Variants in CCSER1 observed in about 807,000 individuals in gnomAD.
CCSER1 encodes the protein coiled-coil serine rich protein 1.
A neutral mutation model predicts 82.0 loss-of-function variants in CCSER1; 41 were observed. That is an observed-to-expected ratio of 0.50 (90% CI 0.39 to 0.65). The LOEUF is 0.65. CCSER1 is among the 30% of genes least tolerant of loss of function. The pLI is 0.00. For synonymous variants in CCSER1, 414 were observed against 383.9 expected (o/e 1.08, Z -0.92); for missense variants, 1,119 against 1,064.2 (o/e 1.05, Z -0.72).
intron 1 of CCSER1, among the ~76,000 whole-genome samples, chr4:90,214,217 A>G (rs72876170): frequency 0.047 from 7,170 of 152,184 alleles, 413 homozygotes; most frequent in East Asian, 0.25. Context: ...GTGGTAAGAA[A>G]GGGAGATTAC....
chr4:90,156,840 G>C (rs537087836), intron 1 of CCSER1, among the ~76,000 whole-genome samples: 1 of 152,298 alleles, frequency 6.6e-6, no homozygotes, highest in South Asian at 2.1e-4. Flanking sequence ...TTGCCAGTCT[G>C]TGTCTTTTAA....
At chr4:90,691,518 T>G (rs557326581) in intron 6 of CCSER1, among the ~76,000 whole-genome samples, 2 of 151,344 alleles carry the variant, frequency 1.3e-5, no homozygotes, top group South Asian at 4.2e-4. Flanking sequence ...ATATTACATG[T>G]GTACATATCA....
chr4:90,490,715 G>A (rs963354968), intron 5 of CCSER1, among the ~76,000 whole-genome samples: 1 of 152,076 alleles, frequency 6.6e-6, no homozygotes, highest in Admixed American at 6.6e-5. Flanking sequence ...TTAAGGAAGG[G>A]ATCCAGTTTC....
intron 8 of CCSER1, among the ~76,000 whole-genome samples, chr4:90,909,363 A>G (rs7683069): frequency 0.47 from 70,913 of 151,984 alleles, 18,205 homozygotes; most frequent in African/African-American, 0.7. Context: ...CAGACAGTGC[A>G]GAGGCCATTG....
chr4:90,206,575 C>G (rs1738875807), intron 1 of CCSER1, among the ~76,000 whole-genome samples: 1 of 151,822 alleles, frequency 6.6e-6, no homozygotes, highest in Admixed American at 6.6e-5. Context: ...GTTATGATTT[C>G]CATTCTTTTG....
chr4:91,149,101 G>C (rs1166590615), intron 10 of CCSER1, among the ~76,000 whole-genome samples: 3 of 152,290 alleles, frequency 2.0e-5, no homozygotes, highest in African/African-American at 7.2e-5. Context: ...CCCACCAACA[G>C]TGCAAAAGTG....
chr4:91,186,910 A>C (rs530642082), intron 10 of CCSER1, among the ~76,000 whole-genome samples: 30 of 152,344 alleles, frequency 2.0e-4, no homozygotes, highest in Non-Finnish European at 3.8e-4. Context: ...TAAACCCACA[A>C]TCTTCCAGCA....
chr4:90,258,283 G>A lies in CCSER1; in HGVS notation c.-41-49961G>A, dbSNP rs1010304910. On this transcript the variant is annotated intron_variant, in intron 1 of 10. Transcript: ENST00000509176. ...TAATCCCAGCACTTTGGGAGGCCGCGGCAGGTGGATCATGAGGTCAAGAGA... is the reference window on the plus strand; with the variant it reads ...TAATCCCAGCACTTTGGGAGGCCGCAGCAGGTGGATCATGAGGTCAAGAGA... Among the ~76,000 whole-genome samples the A allele has an allele frequency of 3.3e-5, 5 of 152,122 alleles. 1 individual carries two copies. The highest frequency in any genetic ancestry group is 4.1e-4 in the South Asian group (2 of 4,828).
intron 10 of CCSER1, among the ~76,000 whole-genome samples, chr4:91,278,867 A>C (rs1742683626): frequency 6.6e-6 from 1 of 151,380 alleles, no homozygotes; most frequent in Non-Finnish European, 1.5e-5. Flanking sequence ...TGAGTTTCAT[A>C]TTTTTGTGTG....
chr4:91,438,495 T>C (rs1254508359), intron 10 of CCSER1, among the ~76,000 whole-genome samples: 1 of 151,772 alleles, frequency 6.6e-6, no homozygotes, highest in East Asian at 1.9e-4. Context: ...ATCACCATCA[T>C]CAAAGACCAA....
chr4:91,506,264 A>AGAT (rs1759478396), intron 10 of CCSER1, among the ~76,000 whole-genome samples: 1 of 152,046 alleles, frequency 6.6e-6, no homozygotes, highest in South Asian at 2.1e-4. Context: ...CTTATTCCTG[A>AGAT]GATCTCTGTT....
chr4:90,923,269 A>C (rs538194934), intron 8 of CCSER1, 101 bp from the exon 9 acceptor site: 9 of 816,712 alleles, frequency 1.1e-5, no homozygotes, highest in Non-Finnish European at 1.9e-5. Context: ...ACAGAGAAGA[A>C]CATGAATTAT....
chr4:90,809,744 T>C (rs1758004256), intron 7 of CCSER1, among the ~76,000 whole-genome samples: 1 of 151,800 alleles, frequency 6.6e-6, no homozygotes, highest in South Asian at 2.1e-4. Flanking sequence ...AAAAAAAAGT[T>C]AGTTGGATGT....
At chr4:90,628,348 G>A in intron 6 of CCSER1, 116 bp downstream of exon 6, 1 of 736,466 alleles carries the variant, frequency 1.4e-6, no homozygotes, top group Non-Finnish European at 2.3e-6. Context: ...CAGGGGTCAG[G>A]TTTCCTCTTG....
intron 9 of CCSER1, among the ~76,000 whole-genome samples, chr4:91,029,879 A>G (rs758353750): frequency 2.0e-5 from 3 of 152,156 alleles, no homozygotes; most frequent in Admixed American, 6.6e-5. Flanking sequence ...CTGCAAAAGC[A>G]TGGGCATTAA....
At chr4:90,914,899 A>C (rs1727067443) in intron 8 of CCSER1, among the ~76,000 whole-genome samples, 1 of 152,204 alleles carries the variant, frequency 6.6e-6, no homozygotes. Flanking sequence ...CTTCACAGAT[A>C]AACTAGAAAA....
intron 1 of CCSER1, among the ~76,000 whole-genome samples, chr4:90,224,273 AT>A (rs1385661175): frequency 1.3e-5 from 2 of 152,210 alleles, no homozygotes; most frequent in East Asian, 1.9e-4. Flanking sequence ...TTTGCATTTT[AT>A]TCACTTTTTC....
intron 10 of CCSER1, among the ~76,000 whole-genome samples, chr4:91,334,904 A>G (rs2149280534): frequency 6.6e-6 from 1 of 151,836 alleles, no homozygotes; most frequent in East Asian, 1.9e-4. Context: ...AAAAACTAAC[A>G]TGGGCTGGGA....
At chr4:90,373,219 A>T (rs551222685) in intron 3 of CCSER1, among the ~76,000 whole-genome samples, 1 of 152,290 alleles carries the variant, frequency 6.6e-6, no homozygotes, top group Admixed American at 6.5e-5. Flanking sequence ...GACGAGACAT[A>T]TAAAGTGAAA....
Sources: gnomAD v4.1 joint callset for allele counts (sites outside exome capture counted in the v4.1 genomes callset) on GRCh38, gnomAD v4.1.1 for gene constraint, MANE v1.5 for transcripts, NCBI Gene and HGNC (gene_info 2026-07-23, HGNC 2026-07-21) for gene names.